SLC24A2: variants seen among roughly 807,000 people sequenced by gnomAD.
SLC24A2 encodes the protein solute carrier family 24 member 2.
A neutral mutation model predicts 62.0 loss-of-function variants in SLC24A2; 36 were observed. That is an observed-to-expected ratio of 0.58 (90% CI 0.44 to 0.77). SLC24A2 has a LOEUF of 0.77. Among genes scored for constraint, SLC24A2 ranks in the 30% least tolerant of loss-of-function variants. SLC24A2 has a pLI of 0.00. For missense variants in SLC24A2, 846 were observed against 817.9 expected, an observed-to-expected ratio of 1.03 and a Z score of -0.42; for synonymous variants, 358 against 294.0, an observed-to-expected ratio of 1.22 and a Z score of -2.23.
At chr9:19,579,690 T>TA (rs1836145536) in intron 5 of SLC24A2, among the ~76,000 whole-genome samples, 1 of 152,206 alleles carries the variant, frequency 6.6e-6, no homozygotes, top group African/African-American at 2.4e-5. Context: ...AAATAAAACC[T>TA]AAAATAACTC....
At chr9:19,890,954 T>C in the SLC24A2 span, among the ~76,000 whole-genome samples, 1 of 152,206 alleles carries the variant, frequency 6.6e-6, no homozygotes. Flanking sequence ...TTTGCTTATA[T>C]GAAAAAAGGA....
At chr9:19,992,627 C>A in the SLC24A2 span, among the ~76,000 whole-genome samples, 7 of 152,174 alleles carry the variant, frequency 4.6e-5, no homozygotes, top group Non-Finnish European at 1.0e-4. Context: ...TCTTGGACTT[C>A]ACTGGAGCAT....
the SLC24A2 span, among the ~76,000 whole-genome samples, chr9:20,154,786 C>T: frequency 0.059 from 8,929 of 151,674 alleles, 571 homozygotes; most frequent in East Asian, 0.3. Flanking sequence ...AACTCAACAA[C>T]CTCAGGGATC....
chr9:20,261,393 T>G, the SLC24A2 span, among the ~76,000 whole-genome samples: 1 of 152,054 alleles, frequency 6.6e-6, no homozygotes, highest in South Asian at 2.1e-4. Flanking sequence ...ATGGTAGAAG[T>G]GCAAAAGGGA....
intron 2 of SLC24A2, among the ~76,000 whole-genome samples, chr9:19,741,692 G>C (rs1821683308): frequency 6.6e-6 from 1 of 152,122 alleles, no homozygotes; most frequent in African/African-American, 2.4e-5. Context: ...GAAGATGTGA[G>C]TTCTGCCTCC....
At chr9:20,202,299 G>C in the SLC24A2 span, among the ~76,000 whole-genome samples, 1 of 152,124 alleles carries the variant, frequency 6.6e-6, no homozygotes, top group Non-Finnish European at 1.5e-5. Flanking sequence ...TTGTAGTCTG[G>C]GCCTTTTCTT....
At chr9:19,935,385 A>G in the SLC24A2 span, among the ~76,000 whole-genome samples, 1 of 148,022 alleles carries the variant, frequency 6.8e-6, no homozygotes. Context: ...GAAACCAAAA[A>G]ACAAAACAAA....
At chr9:20,293,978 C>T in the SLC24A2 span, among the ~76,000 whole-genome samples, 29 of 152,224 alleles carry the variant, frequency 1.9e-4, no homozygotes, top group Admixed American at 1.4e-3. Context: ...ACTCCCATTC[C>T]GTGTATCTCT....
chr9:19,746,855 G>A (rs1671819346), intron 2 of SLC24A2, among the ~76,000 whole-genome samples: 1 of 152,042 alleles, frequency 6.6e-6, no homozygotes, highest in Non-Finnish European at 1.5e-5. Context: ...AGTTCCTTTT[G>A]GGGGTTCTTA....
chr9:20,114,166 C>T, the SLC24A2 span, among the ~76,000 whole-genome samples: 88 of 152,104 alleles, frequency 5.8e-4, no homozygotes, highest in South Asian at 0.013. Context: ...CAAAGATCTG[C>T]GCAGGAACCC....
chr9:19,924,190 T>C, the SLC24A2 span, among the ~76,000 whole-genome samples: 1 of 152,200 alleles, frequency 6.6e-6, no homozygotes, highest in Non-Finnish European at 1.5e-5. Context: ...CAATGGGTGT[T>C]ACTATCAAAC....
intron 2 of SLC24A2, among the ~76,000 whole-genome samples, chr9:19,709,611 T>C (rs1420149719): frequency 6.6e-6 from 1 of 151,618 alleles, no homozygotes; most frequent in African/African-American, 2.4e-5. Flanking sequence ...TGTAGGGACA[T>C]GGATGAAACT....
At chr9:20,058,992 CAGTT>C in the SLC24A2 span, among the ~76,000 whole-genome samples, 1 of 152,186 alleles carries the variant, frequency 6.6e-6, no homozygotes, top group Non-Finnish European at 1.5e-5. Flanking sequence ...TCCTACTGTG[CAGTT>C]AGTGAGTGCA....
chr9:20,178,363 G>A, the SLC24A2 span, among the ~76,000 whole-genome samples: 12 of 152,260 alleles, frequency 7.9e-5, no homozygotes, highest in African/African-American at 2.4e-4. Flanking sequence ...AGTGTGCAAA[G>A]GGCTTTATTA....
At chr9:19,939,952 T>C in the SLC24A2 span, among the ~76,000 whole-genome samples, 1 of 152,242 alleles carries the variant, frequency 6.6e-6, no homozygotes, top group Non-Finnish European at 1.5e-5. Flanking sequence ...TAGCACATGC[T>C]TCCAAGTTTT....
chr9:19,601,514 T>A (rs1398808066), intron 4 of SLC24A2, among the ~76,000 whole-genome samples: 1 of 152,182 alleles, frequency 6.6e-6, no homozygotes, highest in African/African-American at 2.4e-5. Flanking sequence ...ACCACGAAGG[T>A]CCACGGCTCC....
chr9:20,285,155 C>T, the SLC24A2 span, among the ~76,000 whole-genome samples: 3 of 152,272 alleles, frequency 2.0e-5, no homozygotes, highest in South Asian at 6.2e-4. Context: ...GTAGAAGCAT[C>T]CCTGTTACCG....
At chr9:19,780,270 TTTTTC>T (rs1236785079) in intron 2 of SLC24A2, among the ~76,000 whole-genome samples, 1 of 113,776 alleles carries the variant, frequency 8.8e-6, no homozygotes, top group Non-Finnish European at 2.0e-5. Context: ...TTGCTTTTTC[TTTTTC>T]TTTTTTTTTT....
the SLC24A2 span, among the ~76,000 whole-genome samples, chr9:20,009,449 G>T: frequency 2.0e-5 from 3 of 150,948 alleles, no homozygotes; most frequent in Non-Finnish European, 4.4e-5. Flanking sequence ...CACAAATCTT[G>T]GTAGTTGCTC....
Sources: gnomAD v4.1 joint callset for allele counts (sites outside exome capture counted in the v4.1 genomes callset) on GRCh38, gnomAD v4.1.1 for gene constraint, MANE v1.5 for transcripts, NCBI Gene and HGNC (gene_info 2026-07-23, HGNC 2026-07-21) for gene names.